NEBL: variants seen among roughly 807,000 people sequenced by gnomAD.
The protein encoded by NEBL is nebulette.
A neutral mutation model predicts 140.2 loss-of-function variants in NEBL; 122 were observed. That is an observed-to-expected ratio of 0.87 (90% CI 0.75 to 1.01). The LOEUF (loss-of-function observed/expected upper bound fraction) is 1.01. Ranked by LOEUF, NEBL falls within the 50% of genes least tolerant of loss-of-function variation. NEBL has a pLI of 0.00. For synonymous variants in NEBL, 436 were observed against 398.9 expected, an observed-to-expected ratio of 1.09 and a Z score of -1.11; for missense variants, 1,365 against 1,231.3, an observed-to-expected ratio of 1.11 and a Z score of -1.62.
chr10:20,917,185 T>A (rs1466350477), intron 4 of NEBL, among the ~76,000 whole-genome samples: 2 of 152,316 alleles, frequency 1.3e-5, no homozygotes, highest in African/African-American at 2.4e-5. Context: ...AGCTTGTAAG[T>A]CCAAAGTCTA....
chr10:21,240,824 G>C (rs973090576), intron 3 of NEBL, among the ~76,000 whole-genome samples: 1 of 151,418 alleles, frequency 6.6e-6, no homozygotes, highest in Non-Finnish European at 1.5e-5. Flanking sequence ...GAAGAAAATA[G>C]TTACAATAGA....
intron 2 of NEBL, chr10:21,146,239 C>A: frequency 1.1e-6 from 1 of 898,544 alleles, no homozygotes; most frequent in Non-Finnish European, 1.7e-6. Flanking sequence ...CTCCGTTCAC[C>A]CCTCTTACAG....
chr10:20,824,545 A>T (rs976696678), intron 18 of NEBL, among the ~76,000 whole-genome samples: 3 of 152,230 alleles, frequency 2.0e-5, no homozygotes, highest in African/African-American at 7.2e-5. Flanking sequence ...AAATGTCGAG[A>T]TCTTTAAATG....
At position 20,880,833 on chromosome 10, in the gene NEBL, C is replaced by A; in HGVS notation, c.441G>T (p.Glu147Asp). 1 of 1,614,052 alleles carries A rather than the reference C, an allele frequency of 6.2e-7. No individual in the cohort carries two copies. The highest frequency in any genetic ancestry group is 2.2e-5 in the East Asian group (1 of 44,864). ...TATTGACCTCCATGGCATGTTTAAC[C>A]TCAGGGGGCTCCTTCATGTGGGCAT... ...SDYAHMKEPP[E>D]VKHAMEVNKH... The change falls in exon 5 of 28, where the codon GAG becomes GAT. Residue 147 changes from glutamate to aspartate, a missense_variant. Coordinates refer to ENST00000377122, the MANE Select transcript of NEBL (RefSeq NM_006393.3).
intron 3 of NEBL, among the ~76,000 whole-genome samples, chr10:20,983,083 T>G (rs1481562869): frequency 6.6e-6 from 1 of 152,178 alleles, no homozygotes; most frequent in African/African-American, 2.4e-5. Context: ...GGCAACCTGG[T>G]GAAAAATCCT....
intron 2 of NEBL, among the ~76,000 whole-genome samples, chr10:21,157,264 T>A (rs145160550): frequency 6.6e-6 from 1 of 152,290 alleles, no homozygotes; most frequent in African/African-American, 2.4e-5. Flanking sequence ...GTGTCATTGA[T>A]ATACAAAAAA....
chr10:21,038,074 T>A (rs1394547171), intron 2 of NEBL, among the ~76,000 whole-genome samples: 1 of 152,186 alleles, frequency 6.6e-6, no homozygotes, highest in African/African-American at 2.4e-5. Context: ...TGATATCACA[T>A]CTTCTTATCA....
chr10:20,811,912 A>G (rs2130781912), intron 24 of NEBL, among the ~76,000 whole-genome samples: 1 of 152,280 alleles, frequency 6.6e-6, no homozygotes, highest in East Asian at 1.9e-4. Flanking sequence ...CCTGCCTTAT[A>G]CTTCAGTATG....
intron 2 of NEBL, among the ~76,000 whole-genome samples, chr10:21,106,123 C>T (rs911623999): frequency 5.9e-5 from 9 of 151,896 alleles, no homozygotes; most frequent in Non-Finnish European, 1.3e-4. Flanking sequence ...AAGATTTTCT[C>T]CCATTCTGTA....
At chr10:21,184,583 A>G (rs1033755202) in intron 3 of NEBL, among the ~76,000 whole-genome samples, 2 of 152,160 alleles carry the variant, frequency 1.3e-5, no homozygotes, top group African/African-American at 4.8e-5. Context: ...CATTATATGA[A>G]AAGGAAACCT....
Position 20,859,699 on chromosome 10 carries a change from G to T in NEBL, c.798+14C>A. On this transcript the variant is annotated intron_variant, in intron 8 of 27. Coordinates refer to ENST00000377122, the MANE Select transcript of NEBL (RefSeq NM_006393.3). ...AAAGATTTTGAAAATAATTTTCTATGAATTACAACTTACATTGCTCGCCAG... is the reference window on the plus strand; with the variant it reads ...AAAGATTTTGAAAATAATTTTCTATTAATTACAACTTACATTGCTCGCCAG... The T allele has an allele frequency of 4.7e-6, 7 of 1,480,414 alleles. No homozygotes were observed. The highest frequency in any genetic ancestry group is 6.6e-6 in the Non-Finnish European group (7 of 1,061,956). 91.7% of individuals were successfully genotyped at this position (1,480,414 alleles called of 1,614,324 possible).
intron 4 of NEBL, among the ~76,000 whole-genome samples, chr10:20,938,328 C>T (rs576967869): frequency 7.2e-5 from 11 of 152,332 alleles, no homozygotes; most frequent in African/African-American, 2.4e-4. Context: ...CAGGGAAACA[C>T]GGTCTGGAGT....
chr10:21,154,235 G>C (rs1409126168), intron 2 of NEBL, among the ~76,000 whole-genome samples: 1 of 151,982 alleles, frequency 6.6e-6, no homozygotes, highest in Non-Finnish European at 1.5e-5. Flanking sequence ...GAAGCAGGAA[G>C]ATCACCTGAG....
intron 3 of NEBL, among the ~76,000 whole-genome samples, chr10:20,990,010 T>G (rs1404937987): frequency 6.6e-6 from 1 of 152,214 alleles, no homozygotes. Flanking sequence ...ACATTAGAGT[T>G]GTTACAGATA....
chr10:20,859,563 A>G, intron 8 of NEBL, 150 bp downstream of exon 8: 1 of 588,620 alleles, frequency 1.7e-6, no homozygotes, highest in Non-Finnish European at 3.0e-6. Context: ...ACAATAATAT[A>G]TTTTTCTCAG....
intron 7 of NEBL, among the ~76,000 whole-genome samples, chr10:20,863,157 C>T (rs748120491): frequency 1.3e-5 from 2 of 152,138 alleles, no homozygotes; most frequent in Non-Finnish European, 2.9e-5. Context: ...CACAACTTCT[C>T]ATATAAAGAA....
At chr10:21,237,298 G>A (rs758470175) in intron 3 of NEBL, among the ~76,000 whole-genome samples, 3 of 152,068 alleles carry the variant, frequency 2.0e-5, no homozygotes, top group South Asian at 4.1e-4. Flanking sequence ...TCCCCTTCCC[G>A]GGTTCAAGCA....
Position 20,780,905 on chromosome 10 carries a change from T to C in NEBL, c.*4842A>G, listed in dbSNP as rs1181301370. The C allele has an allele frequency of 1.3e-5, 2 of 152,204 alleles. No individual in the cohort carries two copies. Among genetic ancestry groups the C allele is most frequent in the Admixed American group, 6.6e-5 (1 of 15,266 alleles). The allele number at this position is 152,204 out of a possible 1,614,324, so 9.4% of individuals were successfully genotyped here. A position where few individuals can be genotyped will look rare whatever the true frequency, so the allele number is the denominator to read the frequency against. ...TGATTTGCTTTTAAACAAATATTAA[T>C]GTTAATGATTAGGGTAGCCTTGAAG... is the stretch of plus-strand genomic sequence containing the variant. On this transcript the variant is annotated 3_prime_UTR_variant, in exon 28 of 28. Transcript: ENST00000377122.
At chr10:20,827,473 A>G (rs1839987709) in intron 17 of NEBL, among the ~76,000 whole-genome samples, 1 of 152,204 alleles carries the variant, frequency 6.6e-6, no homozygotes, top group South Asian at 2.1e-4. Context: ...AAGTCCTCAC[A>G]CTTACTAGAA....
Sources: allele counts gnomAD v4.1 joint callset (sites outside exome capture counted in the v4.1 genomes callset), GRCh38; gene constraint gnomAD v4.1.1; transcripts MANE v1.5; gene names NCBI Gene and HGNC (gene_info 2026-07-23, HGNC 2026-07-21).